The following ATXN1 variants were observed in gnomAD, a reference collection of about 807,000 sequenced individuals.
The protein encoded by ATXN1 is ataxin 1, also known as ataxin-1.
Under a neutral mutation model 56.4 loss-of-function variants are expected in ATXN1, and 8 were observed. That is an observed-to-expected ratio of 0.14 (90% CI 0.08 to 0.26). ATXN1 has a LOEUF of 0.26. Ranked by LOEUF, ATXN1 falls within the 10% of genes least tolerant of loss-of-function variation. The pLI, the probability that ATXN1 is intolerant of heterozygous loss-of-function variation, is 1.00. For synonymous variants in ATXN1, 514 were observed against 494.6 expected, an observed-to-expected ratio of 1.04 and a Z score of -0.52; for missense variants, 987 against 1,106.5, an observed-to-expected ratio of 0.89 and a Z score of 1.53.
chr6:16,493,754 G>A (rs1312312197), intron 5 of ATXN1, among the ~76,000 whole-genome samples: 1 of 152,180 alleles, frequency 6.6e-6, no homozygotes, highest in Non-Finnish European at 1.5e-5. Flanking sequence ...CTCCATGGAA[G>A]AGGACAGGTG....
At chr6:16,421,742 GCA>G (rs1759037971) in intron 6 of ATXN1, among the ~76,000 whole-genome samples, 1 of 147,536 alleles carries the variant, frequency 6.8e-6, no homozygotes, top group Non-Finnish European at 1.5e-5. Flanking sequence ...GCACACAAAT[GCA>G]CATGTGTGGG....
intron 2 of ATXN1, among the ~76,000 whole-genome samples, chr6:16,699,188 CTA>C (rs1448084631): frequency 1.2e-4 from 19 of 152,300 alleles, no homozygotes; most frequent in African/African-American, 4.3e-4. Flanking sequence ...CTATTACTCA[CTA>C]TTAAACTGCA....
intron 3 of ATXN1, among the ~76,000 whole-genome samples, chr6:16,606,823 C>T (rs1338876483): frequency 7.8e-6 from 1 of 127,598 alleles, no homozygotes; most frequent in African/African-American, 2.8e-5. Flanking sequence ...CCATCACGCC[C>T]GGCCCTAAAT....
At chr6:16,343,652 T>G (rs1184168487) in intron 6 of ATXN1, among the ~76,000 whole-genome samples, 2 of 152,166 alleles carry the variant, frequency 1.3e-5, no homozygotes, top group African/African-American at 4.8e-5. Flanking sequence ...CCGATATCCC[T>G]GTATGCCTCT....
intron 4 of ATXN1, among the ~76,000 whole-genome samples, chr6:16,576,358 T>C (rs1213166034): frequency 6.6e-6 from 1 of 152,214 alleles, no homozygotes; most frequent in African/African-American, 2.4e-5. Context: ...AGTGGGGGCA[T>C]ATTTTCTGCC....
intron 6 of ATXN1, among the ~76,000 whole-genome samples, chr6:16,345,887 T>C (rs1339582019): frequency 6.6e-6 from 1 of 152,104 alleles, no homozygotes; most frequent in Non-Finnish European, 1.5e-5. Context: ...CCCTTCAGCA[T>C]TGGGCTGCCA....
chr6:16,372,950 C>T (rs1245468150), intron 6 of ATXN1, among the ~76,000 whole-genome samples: 21 of 141,652 alleles, frequency 1.5e-4, no homozygotes, highest in African/African-American at 4.3e-4. Context: ...AACAAACAAA[C>T]AAACAAACAA....
intron 6 of ATXN1, among the ~76,000 whole-genome samples, chr6:16,440,386 GA>G (rs1759489734): frequency 6.6e-6 from 1 of 150,644 alleles, no homozygotes; most frequent in African/African-American, 2.5e-5. Flanking sequence ...AGTGATTGGA[GA>G]AAACAAATAG....
At chr6:16,579,347 C>T (rs1029801769) in intron 4 of ATXN1, among the ~76,000 whole-genome samples, 2 of 152,014 alleles carry the variant, frequency 1.3e-5, no homozygotes, top group Non-Finnish European at 2.9e-5. Flanking sequence ...TCCACAGGGA[C>T]TTCAAAGTCT....
intron 2 of ATXN1, among the ~76,000 whole-genome samples, chr6:16,730,866 T>C (rs67805820): frequency 0.039 from 5,935 of 152,272 alleles, 150 homozygotes; most frequent in South Asian, 0.073. Flanking sequence ...ATACAGACCT[T>C]CCTCTTGCTG....
chr6:16,387,119 C>T (rs1758257696), intron 6 of ATXN1, among the ~76,000 whole-genome samples: 1 of 152,200 alleles, frequency 6.6e-6, no homozygotes, highest in Non-Finnish European at 1.5e-5. Flanking sequence ...GCATCTGGCA[C>T]AAGGGATCAA....
chr6:16,631,645 C>T (rs7773920), intron 3 of ATXN1, among the ~76,000 whole-genome samples: 16,829 of 152,204 alleles, frequency 0.11, 1,796 homozygotes, highest in African/African-American at 0.28. Context: ...ATGACCCACA[C>T]TTCTATAGGA....
At chr6:16,356,711 C>T (rs1275218168) in intron 6 of ATXN1, among the ~76,000 whole-genome samples, 1 of 152,152 alleles carries the variant, frequency 6.6e-6, no homozygotes, top group Non-Finnish European at 1.5e-5. Flanking sequence ...ATGCAGACCA[C>T]CCTGGGTTAT....
At chr6:16,725,950 C>T (rs1011321042) in intron 2 of ATXN1, among the ~76,000 whole-genome samples, 30 of 152,154 alleles carry the variant, frequency 2.0e-4, no homozygotes, top group Non-Finnish European at 2.8e-4. Context: ...TTTCTCTGCC[C>T]GCTTTGCCCC....
intron 3 of ATXN1, chr6:16,653,079 T>C (rs1758101584): frequency 6.6e-6 from 1 of 152,370 alleles, no homozygotes; most frequent in East Asian, 1.9e-4. Context: ...TAACAGCTAA[T>C]AAATGTCCTG....
chr6:16,675,115 G>A (rs1758633772), intron 2 of ATXN1, among the ~76,000 whole-genome samples: 1 of 152,178 alleles, frequency 6.6e-6, no homozygotes, highest in Admixed American at 6.5e-5. Context: ...GAAGTCTAGG[G>A]GGAGGTGGGT....
At chr6:16,409,552 C>T (rs1302374881) in intron 6 of ATXN1, among the ~76,000 whole-genome samples, 4 of 150,496 alleles carry the variant, frequency 2.7e-5, no homozygotes, top group South Asian at 2.1e-4. Flanking sequence ...ACTCGGGAGG[C>T]TGAGGCAGGG....
At chr6:16,412,089 G>A (rs1758811679) in intron 6 of ATXN1, among the ~76,000 whole-genome samples, 1 of 152,180 alleles carries the variant, frequency 6.6e-6, no homozygotes, top group Non-Finnish European at 1.5e-5. Flanking sequence ...GATCTTGTAG[G>A]CAAATTCTGA....
intron 6 of ATXN1, among the ~76,000 whole-genome samples, chr6:16,394,458 G>C (rs866146339): frequency 6.6e-6 from 1 of 151,804 alleles, no homozygotes; most frequent in Admixed American, 6.6e-5. Context: ...ATATTTATGG[G>C]CTAGAGTATG....
Sources: gnomAD v4.1 joint callset for allele counts (sites outside exome capture counted in the v4.1 genomes callset) on GRCh38, gnomAD v4.1.1 for gene constraint, MANE v1.5 for transcripts, NCBI Gene and HGNC (gene_info 2026-07-23, HGNC 2026-07-21) for gene names.